The following ARMC2 variants were observed in gnomAD, a reference collection of about 807,000 sequenced individuals.
The protein encoded by ARMC2 is armadillo repeat-containing protein 2.
In ARMC2, 67 loss-of-function variants were observed where a neutral mutation model predicts 90.3. That is an observed-to-expected ratio of 0.74 (90% CI 0.61 to 0.91). ARMC2 has a LOEUF of 0.91. ARMC2 is among the 40% of genes least tolerant of loss of function. The pLI, the probability that ARMC2 is intolerant of heterozygous loss-of-function variation, is 0.00. For missense variants in ARMC2, 920 were observed against 1,030.9 expected, an observed-to-expected ratio of 0.89 and a Z score of 1.47; for synonymous variants, 393 against 393.0, an observed-to-expected ratio of 1.00 and a Z score of 0.00.
intron 17 of ARMC2, among the ~76,000 whole-genome samples, chr6:108,966,875 A>G (rs1009898857): frequency 3.3e-5 from 5 of 152,220 alleles, no homozygotes; most frequent in African/African-American, 1.2e-4. Flanking sequence ...TCCACAGGTG[A>G]GTCTATTAGC....
At chr6:108,937,079 GT>G in intron 12 of ARMC2, 80 bp downstream of exon 12, 1 of 1,280,480 alleles carries the variant, frequency 7.8e-7, no homozygotes, top group South Asian at 1.3e-5. Context: ...ATGTCTTTAT[GT>G]TTTGAGTATA....
the ARMC2 span, among the ~76,000 whole-genome samples, chr6:109,009,995 T>C: frequency 3.9e-5 from 6 of 152,216 alleles, no homozygotes; most frequent in South Asian, 1.2e-3. Flanking sequence ...TTTCCCATAA[T>C]GCCCAAACGA....
chr6:109,009,536 C>T, the ARMC2 span: 4 of 1,152,420 alleles, frequency 3.5e-6, no homozygotes, highest in Non-Finnish European at 4.2e-6. Context: ...GGCTGCAGCG[C>T]CTCAGTCAGC....
chr6:108,899,633 C>G, intron 6 of ARMC2, 61 bp from the exon 7 acceptor site: 1 of 1,262,382 alleles, frequency 7.9e-7, no homozygotes, highest in South Asian at 1.3e-5. Flanking sequence ...AGGCTTTTGA[C>G]CATGCTTCAT....
At chr6:108,980,263 C>A in the ARMC2 span, among the ~76,000 whole-genome samples, 1 of 152,104 alleles carries the variant, frequency 6.6e-6, no homozygotes, top group South Asian at 2.1e-4. Context: ...TGCAGTTCTG[C>A]TGAAGTTTGC....
chr6:109,023,769 G>T, the ARMC2 span, among the ~76,000 whole-genome samples: 1 of 151,974 alleles, frequency 6.6e-6, no homozygotes, highest in Non-Finnish European at 1.5e-5. Flanking sequence ...TTACCATTTG[G>T]CATAAACAAA....
chr6:108,952,470 G>C (rs1049474154), intron 12 of ARMC2, among the ~76,000 whole-genome samples: 1 of 152,166 alleles, frequency 6.6e-6, no homozygotes, highest in African/African-American at 2.4e-5. Context: ...TCCACAGGGG[G>C]CAATTTTGGC....
chr6:108,967,180 C>T (rs1778431809), intron 17 of ARMC2, among the ~76,000 whole-genome samples: 1 of 152,196 alleles, frequency 6.6e-6, no homozygotes, highest in Admixed American at 6.5e-5. Context: ...CCACTTGCTG[C>T]CCTCCCTGTG....
In ARMC2 at chr6:108,901,550, G is replaced by A. The variant is rs919459562; in HGVS notation, c.847+1758G>A. On this transcript the variant is annotated intron_variant, in intron 7 of 17. Transcript: ENST00000392644. ...TGTGCCTCTGCTTCCTCAGTGGCTG[G>A]GATGACAGGTGCGCACCACCACACC... 2.0e-5 allele frequency among the ~76,000 whole-genome samples: 3 copies of A among 151,756 alleles called. No homozygotes were observed. The East Asian group carries it at 5.8e-4, about 29-fold the overall frequency.
chr6:109,021,982 T>C, the ARMC2 span, among the ~76,000 whole-genome samples: 1 of 152,324 alleles, frequency 6.6e-6, no homozygotes, highest in African/African-American at 2.4e-5. Context: ...TATATGTGGA[T>C]ATACTAGTCT....
the ARMC2 span, among the ~76,000 whole-genome samples, chr6:109,015,421 G>C: frequency 6.6e-6 from 1 of 152,310 alleles, no homozygotes; most frequent in East Asian, 1.9e-4. Flanking sequence ...GACACTGCCT[G>C]TGTCTGACAA....
At chr6:109,007,111 A>G in the ARMC2 span, among the ~76,000 whole-genome samples, 1 of 152,194 alleles carries the variant, frequency 6.6e-6, no homozygotes, top group Non-Finnish European at 1.5e-5. Flanking sequence ...GAAAGAGACA[A>G]CAAGTTTCCA....
the ARMC2 span, among the ~76,000 whole-genome samples, chr6:109,012,761 A>G: frequency 2.0e-5 from 3 of 152,150 alleles, no homozygotes; most frequent in African/African-American, 7.2e-5. Context: ...AGCAGAATAC[A>G]GGAAGCTCAA....
the ARMC2 span, among the ~76,000 whole-genome samples, chr6:109,046,087 T>C: frequency 2.0e-5 from 3 of 151,152 alleles, no homozygotes; most frequent in Non-Finnish European, 4.4e-5. Flanking sequence ...TGCAATAAGA[T>C]AATGTAGCTC....
chr6:108,978,818 C>T (rs1256219264), downstream of ARMC2, among the ~76,000 whole-genome samples: 1 of 149,818 alleles, frequency 6.7e-6, no homozygotes, highest in Non-Finnish European at 1.5e-5. Context: ...GATTGCAACC[C>T]CTGCTTTTTT....
the ARMC2 span, among the ~76,000 whole-genome samples, chr6:108,997,188 A>G: frequency 6.6e-6 from 1 of 152,222 alleles, no homozygotes; most frequent in Non-Finnish European, 1.5e-5. Flanking sequence ...TTACCTGGGA[A>G]TAGGAAGCTT....
chr6:108,897,482 T>C (rs1388979192), intron 6 of ARMC2, among the ~76,000 whole-genome samples: 2 of 152,158 alleles, frequency 1.3e-5, no homozygotes, highest in African/African-American at 4.8e-5. Context: ...TGCAAATGTT[T>C]AATAATAGCT....
chr6:108,961,909 A>C, intron 14 of ARMC2, 105 bp from the exon 15 acceptor site: 1 of 994,170 alleles, frequency 1.0e-6, no homozygotes, highest in Non-Finnish European at 1.5e-6. Context: ...TTTGTAATTT[A>C]TTATCATTTG....
intron 10 of ARMC2, 81 bp downstream of exon 10, chr6:108,912,639 C>T (rs1384117612): frequency 3.1e-6 from 4 of 1,287,060 alleles, no homozygotes; most frequent in Non-Finnish European, 4.4e-6. Context: ...GAATGGCATG[C>T]AAGAGGCCCC....
Sources: allele counts gnomAD v4.1 joint callset (sites outside exome capture counted in the v4.1 genomes callset), GRCh38; gene constraint gnomAD v4.1.1; transcripts MANE v1.5; gene names NCBI Gene and HGNC (gene_info 2026-07-23, HGNC 2026-07-21).